Variants in PPP1R12A observed in about 807,000 individuals in gnomAD.
The protein encoded by PPP1R12A is myosin binding subunit.
Under a neutral mutation model 139.6 loss-of-function variants are expected in PPP1R12A, and 19 were observed. That is an observed-to-expected ratio of 0.14 (90% CI 0.09 to 0.20). The LOEUF is 0.20. Ranked by LOEUF, PPP1R12A falls within the 10% of genes least tolerant of loss-of-function variation. The pLI is 1.00. For synonymous variants in PPP1R12A, 427 were observed against 420.6 expected (o/e 1.02, Z -0.19); for missense variants, 925 against 1,211.5 (o/e 0.76, Z 3.51).
chr12:79,789,787 T>C, intron 20 of PPP1R12A: 1 of 383,380 alleles, frequency 2.6e-6, no homozygotes, highest in East Asian at 7.4e-5. Context: ...ACTTTTTTTT[T>C]TTTTTTTTAA....
At chr12:79,875,633 T>G (rs933605160) in intron 1 of PPP1R12A, among the ~76,000 whole-genome samples, 1 of 152,244 alleles carries the variant, frequency 6.6e-6, no homozygotes. Context: ...ACTGTCATCT[T>G]TGGTTTATTG....
chr12:79,848,706 C>G (rs946153099), intron 2 of PPP1R12A: 1 of 152,078 alleles, frequency 6.6e-6, no homozygotes, highest in Non-Finnish European at 1.5e-5. Context: ...CTCCTGCACT[C>G]TAGAACTATT....
At chr12:79,862,339 A>G (rs914155847) in intron 2 of PPP1R12A, among the ~76,000 whole-genome samples, 4 of 152,352 alleles carry the variant, frequency 2.6e-5, no homozygotes, top group African/African-American at 9.6e-5. Context: ...CCAAAGGTAG[A>G]TAAAACCACA....
chr12:79,808,511 T>C lies in PPP1R12A; in HGVS notation c.1522A>G (p.Thr508Ala). 2 of 1,608,018 alleles carry C rather than the reference T, an allele frequency of 1.2e-6. No individual in the cohort carries two copies. Among genetic ancestry groups the C allele is most frequent in the Non-Finnish European group, 8.5e-7 (1 of 1,175,260 alleles). ...APTIPRRLAS[T>A]SDIEEKENRD... is the part of the protein sequence containing the mutation. ...TTTTCTTTCTCTTCAATGTCAGATGTACTGGCTAGTCGTCTTGGTATTGTA... is the reference window on the plus strand; with the variant it reads ...TTTTCTTTCTCTTCAATGTCAGATGCACTGGCTAGTCGTCTTGGTATTGTA... Residue 508 changes from threonine to alanine, a missense_variant, in exon 11 of 25, where the codon ACA (threonine) becomes GCA (alanine). By Grantham distance (58) the Thr-to-Ala change is moderately conservative (BLOSUM62 0). Around this residue, in one of 4 missense-constraint regions of PPP1R12A, gnomAD observed 403 missense variants for 463.7 expected, o/e 0.87. Transcript: ENST00000450142.
In PPP1R12A at chr12:79,872,885, T is replaced by C; in HGVS notation, c.291A>G (p.Ala97=). The part of the protein sequence containing the change: ...DMVKFLVENG[A]NINQPDNEGW... ...CTTCATTATCAGGTTGATTAATATT[T>C]GCTCCATTTTCTACCAGAAACTTCA... The change falls in exon 2 of 25, where the codon GCA becomes GCG. Residue 97 remains alanine, a synonymous_variant. Transcript: ENST00000450142. 2 of 1,613,506 alleles carry C rather than the reference T, an allele frequency of 1.2e-6. No homozygotes were observed. The highest frequency in any genetic ancestry group is 2.2e-5 in the South Asian group (2 of 91,070).
intron 5 of PPP1R12A, among the ~76,000 whole-genome samples, chr12:79,826,749 T>C (rs1876828544): frequency 6.6e-6 from 1 of 152,234 alleles, no homozygotes. Context: ...TACAATATAT[T>C]GTGTATGTTT....
chr12:79,875,092 T>C (rs1340438241), intron 1 of PPP1R12A, among the ~76,000 whole-genome samples: 2 of 152,222 alleles, frequency 1.3e-5, no homozygotes, highest in Non-Finnish European at 2.9e-5. Flanking sequence ...TTTATACCTA[T>C]GTTCTACCTC....
In PPP1R12A at chr12:79,788,722, A is replaced by T. The variant is rs768118856; in HGVS notation, c.2728T>A (p.Ser910Thr). Residue 910 changes from serine (S) to threonine (T), a missense_variant, in exon 21 of 25, where the codon TCA becomes ACA. This residue lies in a region of PPP1R12A where 315 missense variants were observed against 363.4 expected (regional missense o/e 0.87). Coordinates refer to ENST00000450142, the MANE Select transcript of PPP1R12A (RefSeq NM_002480.3). ...TTTCTTTCTTCTAAGTAACTGTATG[A>T]TCCAGAGCGACCCAGCAAGGAATCA... ...RYDSLLGRSGSYSYLEERKPY... is the reference protein window; with the variant it reads ...RYDSLLGRSGTYSYLEERKPY... The T allele has an allele frequency of 1.9e-6, 3 of 1,613,362 alleles. No homozygotes were observed. The South Asian group carries it at 3.3e-5, about 18-fold the overall frequency.
intron 1 of PPP1R12A, among the ~76,000 whole-genome samples, chr12:79,910,775 A>G (rs1181023704): frequency 2.0e-5 from 3 of 152,226 alleles, no homozygotes; most frequent in Non-Finnish European, 4.4e-5. Flanking sequence ...TTTAGTGTTA[A>G]GTATATGTAG....
chr12:79,924,888 A>G (rs1887712899), intron 1 of PPP1R12A, among the ~76,000 whole-genome samples: 1 of 152,246 alleles, frequency 6.6e-6, no homozygotes, highest in East Asian at 1.9e-4. Flanking sequence ...GTAAAGAGTT[A>G]ACTTAAATCC....
intron 1 of PPP1R12A, among the ~76,000 whole-genome samples, chr12:79,883,272 T>TATC (rs139744536): frequency 6.6e-6 from 1 of 152,078 alleles, no homozygotes; most frequent in African/African-American, 2.4e-5. Context: ...ACTACAGCAT[T>TATC]ATGATTTTTT....
chr12:79,777,250 T>C (rs1363781566), intron 24 of PPP1R12A: 5 of 959,114 alleles, frequency 5.2e-6, no homozygotes, highest in Non-Finnish European at 5.0e-6. Context: ...AATATCTGTA[T>C]AGCTAAAAAA....
chr12:79,830,324 C>A (rs1877266371), intron 4 of PPP1R12A, among the ~76,000 whole-genome samples: 1 of 151,984 alleles, frequency 6.6e-6, no homozygotes, highest in South Asian at 2.1e-4. Context: ...TCATAATATA[C>A]CCTAGTGTTC....
intron 9 of PPP1R12A, among the ~76,000 whole-genome samples, chr12:79,810,770 A>C (rs1020384459): frequency 3.9e-5 from 6 of 152,304 alleles, no homozygotes; most frequent in African/African-American, 1.4e-4. Flanking sequence ...ATGTGACTGA[A>C]CAAACTACTG....
chr12:79,812,333 T>C (rs985988080), intron 9 of PPP1R12A, among the ~76,000 whole-genome samples: 10 of 151,854 alleles, frequency 6.6e-5, no homozygotes, highest in Admixed American at 3.3e-4. Context: ...GGACACTATC[T>C]TCACCTTCTT....
At chr12:79,870,604 T>C (rs539960544) in intron 2 of PPP1R12A, among the ~76,000 whole-genome samples, 138 of 152,342 alleles carry the variant, frequency 9.1e-4, no homozygotes, top group African/African-American at 3.1e-3. Flanking sequence ...GGAAACTCCA[T>C]AGTTTATAGC....
intron 14 of PPP1R12A, among the ~76,000 whole-genome samples, chr12:79,805,027 CTT>C (rs568843122): frequency 1.3e-5 from 2 of 152,244 alleles, no homozygotes; most frequent in South Asian, 2.1e-4. Context: ...AATTCAGACT[CTT>C]TGAAAAAATC....
chr12:79,779,737 G>A (rs573833029), intron 23 of PPP1R12A: 2 of 214,936 alleles, frequency 9.3e-6, no homozygotes, highest in Admixed American at 1.0e-4. Flanking sequence ...TATTTCTTCT[G>A]AGAGGTAATC....
intron 2 of PPP1R12A, among the ~76,000 whole-genome samples, chr12:79,861,831 G>C (rs1054290297): frequency 4.6e-5 from 7 of 152,102 alleles, no homozygotes; most frequent in Non-Finnish European, 8.8e-5. Flanking sequence ...AGCTAGAACT[G>C]GGCAGAGCTC....
Sources: allele counts gnomAD v4.1 joint callset (sites outside exome capture counted in the v4.1 genomes callset), GRCh38; gene constraint gnomAD v4.1.1; regional missense constraint gnomAD v4.1.1; transcripts MANE v1.5; gene names NCBI Gene and HGNC (gene_info 2026-07-23, HGNC 2026-07-21).